The following FGD6 variants were observed in gnomAD, a reference collection of about 807,000 sequenced individuals.
FGD6 encodes the protein FYVE, RhoGEF and PH domain-containing protein 6.
A neutral mutation model predicts 149.4 loss-of-function variants in FGD6; 90 were observed. The observed-to-expected ratio is 0.60, with a 90% CI of 0.51 to 0.72. The LOEUF is 0.72. FGD6 is among the 30% of genes least tolerant of loss of function. The probability of loss-of-function intolerance (pLI) is 0.00; values close to 1 mark genes in which losing one functional copy is unlikely to be tolerated. For synonymous variants in FGD6, 527 were observed against 584.0 expected (o/e 0.90, Z 1.41); for missense variants, 1,437 against 1,684.8 (o/e 0.85, Z 2.57).
Position 95,210,540 on chromosome 12 carries a change from A to G in FGD6, c.744T>C (p.Asp248=). 6.2e-7 allele frequency: 1 copy of G among 1,614,106 alleles called. No homozygotes were observed. Residue 248 remains aspartate (D), a synonymous_variant, in exon 2 of 21, where the codon GAT becomes GAC. Coordinates refer to ENST00000343958, the MANE Select transcript of FGD6 (RefSeq NM_018351.4). ...GGCAAGTTTCAAAATGTTCACATTC[A>G]TCACTAGGAAGCTGTAAGTGGCAAC... ...HHSCHLQLPS[D]ECEHFETCQD... is the part of the protein sequence containing the mutation.
In FGD6 at chr12:95,184,869, C is replaced by G. The variant is rs575833843; in HGVS notation, c.2442-12125G>C. 2.2e-5 allele frequency among the ~76,000 whole-genome samples: 3 copies of G among 139,190 alleles called. No homozygotes were observed. In the East Asian group the frequency reaches 6.6e-4, roughly 30 times the overall value. The allele number at this position is 139,190 out of a possible 152,430, so 91.3% of individuals were successfully genotyped here. A position where few individuals can be genotyped will look rare whatever the true frequency, so the allele number is the denominator to read the frequency against. Reference sequence around the variant, plus strand: ...AAGTGCTGGGATTACAGGCAGGAGCCACCACACTCAGCCTTTTTTTTTGAG... The same window carrying G: ...AAGTGCTGGGATTACAGGCAGGAGCGACCACACTCAGCCTTTTTTTTTGAG... On this transcript the variant is annotated intron_variant, in intron 2 of 20. Coordinates refer to ENST00000343958, the MANE Select transcript of FGD6 (RefSeq NM_018351.4).
At chr12:95,130,619 C>G (rs551212229) in intron 8 of FGD6, among the ~76,000 whole-genome samples, 1 of 152,156 alleles carries the variant, frequency 6.6e-6, no homozygotes, top group Non-Finnish European at 1.5e-5. Context: ...TGGCTCAGGC[C>G]TGTGATGCCA....
intron 3 of FGD6, 101 bp from the exon 4 acceptor site, chr12:95,153,094 C>T: frequency 1.0e-6 from 1 of 958,658 alleles, no homozygotes; most frequent in Non-Finnish European, 1.6e-6. Flanking sequence ...TTGTAAGTTT[C>T]CTCCTAGCAC....
intron 8 of FGD6, among the ~76,000 whole-genome samples, chr12:95,126,746 GAAAA>G: frequency 8.1e-6 from 1 of 124,176 alleles, no homozygotes; most frequent in East Asian, 2.4e-4. Flanking sequence ...AAAAAAAAAA[GAAAA>G]AGAAAAAGAA....
At chr12:95,112,721 G>A (rs1232587516) in intron 9 of FGD6, among the ~76,000 whole-genome samples, 4 of 152,172 alleles carry the variant, frequency 2.6e-5, no homozygotes, top group Non-Finnish European at 4.4e-5. Context: ...GAGGGAGGGA[G>A]AGAGATTGTG....
At chr12:95,213,800 C>G (rs2056739615) in intron 1 of FGD6, among the ~76,000 whole-genome samples, 1 of 152,162 alleles carries the variant, frequency 6.6e-6, no homozygotes, top group Non-Finnish European at 1.5e-5. Context: ...ATAGCAAAGT[C>G]CTATTACGTA....
chr12:95,208,837 T>G lies in FGD6; in HGVS notation c.2441+6A>C. 1 of 1,608,074 alleles carries G rather than the reference T, an allele frequency of 6.2e-7. No homozygotes were observed. Among genetic ancestry groups the G allele is most frequent in the Non-Finnish European group, 8.5e-7 (1 of 1,176,496 alleles). ...CATGCAAAAGTGTCTGTCTGGCACC[T>G]GTTACCTGGAATGCTGATGTCTGGG... is the stretch of plus-strand genomic sequence containing the variant. On this transcript the variant is annotated splice_donor_region_variant and intron_variant, in intron 2 of 20. Coordinates refer to ENST00000343958, the MANE Select transcript of FGD6 (RefSeq NM_018351.4).
chr12:95,216,920 C>T (rs1348506099), intron 1 of FGD6, among the ~76,000 whole-genome samples: 1 of 152,232 alleles, frequency 6.6e-6, no homozygotes, highest in African/African-American at 2.4e-5. Context: ...AGGCGAAGTC[C>T]TCGCACTGCT....
intron 2 of FGD6, among the ~76,000 whole-genome samples, chr12:95,208,283 T>G (rs776034827): frequency 1.3e-5 from 2 of 152,070 alleles, no homozygotes; most frequent in African/African-American, 2.4e-5. Context: ...TTAAATTATT[T>G]TAAAAGTGAG....
chr12:95,137,649 A>G lies in FGD6; in HGVS notation c.2867T>C (p.Phe956Ser). Residue 956 changes from phenylalanine (F) to serine (S), a missense_variant, in exon 7 of 21, where the codon TTT becomes TCT. Transcript: ENST00000343958. Reference sequence around the variant, plus strand: ...TTTTAGATATGGTCCCTTCTTTACAAAGATATCAGCAATTCTTTGTTGTTC... The same window carrying G: ...TTTTAGATATGGTCCCTTCTTTACAGAGATATCAGCAATTCTTTGTTGTTC... ...WTEQQRIADI[F>S]VKKGPYLKMY... The G allele has an allele frequency of 6.2e-7, 1 of 1,606,570 alleles. No individual in the cohort carries two copies. Among genetic ancestry groups the G allele is most frequent in the Non-Finnish European group, 8.5e-7 (1 of 1,177,458 alleles).
chr12:95,132,030 T>C (rs1031170147), intron 8 of FGD6, among the ~76,000 whole-genome samples: 2 of 152,002 alleles, frequency 1.3e-5, no homozygotes, highest in Non-Finnish European at 2.9e-5. Context: ...ACAGGCAAGA[T>C]TTCATCTCAT....
At chr12:95,159,565 G>A (rs1880577547) in intron 3 of FGD6, among the ~76,000 whole-genome samples, 1 of 152,236 alleles carries the variant, frequency 6.6e-6, no homozygotes, top group Non-Finnish European at 1.5e-5. Flanking sequence ...AGGGCTGGGA[G>A]TGTTGGCTCA....
intron 2 of FGD6, among the ~76,000 whole-genome samples, chr12:95,189,914 A>T (rs1490511697): frequency 6.6e-6 from 1 of 152,202 alleles, no homozygotes; most frequent in Non-Finnish European, 1.5e-5. Context: ...CACCTTTCAG[A>T]TCTTTAATAT....
chr12:95,185,028 C>T (rs1881389895), intron 2 of FGD6, among the ~76,000 whole-genome samples: 1 of 151,754 alleles, frequency 6.6e-6, no homozygotes. Flanking sequence ...CGCCAGCCAC[C>T]ATGCCCAGCT....
chr12:95,185,516 G>GTCTT, intron 2 of FGD6, among the ~76,000 whole-genome samples: 1 of 152,182 alleles, frequency 6.6e-6, no homozygotes, highest in Non-Finnish European at 1.5e-5. Context: ...ACTCATGGCT[G>GTCTT]TGTGTAACTG....
chr12:95,182,130 G>T lies in FGD6; in HGVS notation c.2442-9386C>A, dbSNP rs146642667. ...CTACTTGATGCCAGAAAAAATAAAGGCCATTAGAAATAAATAATGAGGTTG... is the reference window on the plus strand; with the variant it reads ...CTACTTGATGCCAGAAAAAATAAAGTCCATTAGAAATAAATAATGAGGTTG... On this transcript the variant is annotated intron_variant, in intron 2 of 20. Coordinates refer to ENST00000343958, the MANE Select transcript of FGD6 (RefSeq NM_018351.4). 3.8e-3 allele frequency among the ~76,000 whole-genome samples: 570 copies of T among 151,342 alleles called. 1 individual carries two copies. Among genetic ancestry groups the T allele is most frequent in the Non-Finnish European group, 5.9e-3 (403 of 67,936 alleles).
chr12:95,147,732 A>G (rs1880056892), intron 5 of FGD6, among the ~76,000 whole-genome samples: 1 of 152,168 alleles, frequency 6.6e-6, no homozygotes, highest in Admixed American at 6.6e-5. Flanking sequence ...TACTTTCTTC[A>G]TTGAAAAAAA....
Position 95,097,972 on chromosome 12 carries a change from T to C in FGD6, c.3498-3278A>G, listed in dbSNP as rs141964821. On this transcript the variant is annotated intron_variant, in intron 14 of 20. Transcript: ENST00000343958. ...ATGACAAAGTTAGGACTTAAAGAGT[T>C]ACAGGAGTTTGGCAGGGAACTCTCT... Among the ~76,000 whole-genome samples, 4 of 152,318 alleles carry C rather than the reference T, an allele frequency of 2.6e-5. No homozygotes were observed. The East Asian group carries it at 7.7e-4, about 29-fold the overall frequency.
At chr12:95,202,232 C>T (rs1056614879) in intron 2 of FGD6, among the ~76,000 whole-genome samples, 12 of 151,354 alleles carry the variant, frequency 7.9e-5, no homozygotes, top group African/African-American at 2.9e-4. Context: ...ATTAAAAGTA[C>T]AAAAAATTAG....
Sources: allele counts gnomAD v4.1 joint callset (sites outside exome capture counted in the v4.1 genomes callset), GRCh38; gene constraint gnomAD v4.1.1; transcripts MANE v1.5; gene names NCBI Gene and HGNC (gene_info 2026-07-23, HGNC 2026-07-21).